TAOK3: variants seen among roughly 807,000 people sequenced by gnomAD.
TAOK3 encodes the protein TAO kinase 3.
Under a neutral mutation model 120.4 loss-of-function variants are expected in TAOK3, and 40 were observed. That is an observed-to-expected ratio of 0.33 (90% CI 0.26 to 0.43). TAOK3 has a LOEUF of 0.43. TAOK3 is among the 20% of genes least tolerant of loss of function. TAOK3 has a pLI of 1.00. For missense variants in TAOK3, 821 were observed against 1,112.1 expected (o/e 0.74, Z 3.72); for synonymous variants, 355 against 387.5 (o/e 0.92, Z 0.99).
intron 1 of TAOK3, among the ~76,000 whole-genome samples, chr12:118,294,218 A>G (rs1056453291): frequency 6.6e-6 from 1 of 152,144 alleles, no homozygotes; most frequent in Non-Finnish European, 1.5e-5. Flanking sequence ...GTATGTACTC[A>G]TGAAACCATC....
At chr12:118,274,131 C>CA (rs778160721) in intron 1 of TAOK3, among the ~76,000 whole-genome samples, 5 of 150,736 alleles carry the variant, frequency 3.3e-5, no homozygotes, top group Non-Finnish European at 5.9e-5. Context: ...AAAAACAAAC[C>CA]AAAAAAACAA....
At chr12:118,264,060 C>CT (rs1437895448) in intron 2 of TAOK3, among the ~76,000 whole-genome samples, 2 of 152,340 alleles carry the variant, frequency 1.3e-5, no homozygotes, top group Middle Eastern at 3.4e-3. Flanking sequence ...GAGCGAAACT[C>CT]TGTCTCAAAA....
Position 118,233,698 on chromosome 12 carries a change from G to A in TAOK3, c.619C>T (p.Leu207Phe). 2 of 1,609,974 alleles carry A rather than the reference G, an allele frequency of 1.2e-6. No homozygotes were observed. The highest frequency in any genetic ancestry group is 1.7e-6 in the Non-Finnish European group (2 of 1,177,894). ...CCCAATTCAATACAAGTGATGCCAAGTGACCAAATATCAACTTTCCCATCA... is the reference window on the plus strand; with the variant it reads ...CCCAATTCAATACAAGTGATGCCAAATGACCAAATATCAACTTTCCCATCA... Reference protein sequence around the residue: ...QYDGKVDIWSLGITCIELAER... With the variant: ...QYDGKVDIWSFGITCIELAER... Residue 207 changes from leucine (L) to phenylalanine (F), a missense_variant, in exon 9 of 21, where the codon CTT becomes TTT. Around this residue, in one of 2 missense-constraint regions of TAOK3, gnomAD observed 467 missense variants for 540.0 expected, o/e 0.86. Transcript: ENST00000392533.
chr12:118,151,486 G>C (rs1345553235), intron 20 of TAOK3, among the ~76,000 whole-genome samples: 1 of 152,214 alleles, frequency 6.6e-6, no homozygotes, highest in Non-Finnish European at 1.5e-5. Context: ...TCAGTGTCCT[G>C]TGTTAGGGGA....
intron 9 of TAOK3, among the ~76,000 whole-genome samples, chr12:118,215,030 C>T (rs2038817911): frequency 6.6e-6 from 1 of 151,506 alleles, no homozygotes; most frequent in African/African-American, 2.4e-5. Context: ...CAGGCATGCG[C>T]CACTGCGCCC....
At chr12:118,233,795 T>C in intron 8 of TAOK3, 30 bp from the exon 9 acceptor site, 1 of 1,539,464 alleles carries the variant, frequency 6.5e-7, no homozygotes, top group Non-Finnish European at 8.8e-7. Flanking sequence ...AAACTCAAGT[T>C]GGAGATTAAA....
chr12:118,306,559 G>A (rs1014687112), intron 1 of TAOK3, among the ~76,000 whole-genome samples: 7 of 151,882 alleles, frequency 4.6e-5, no homozygotes, highest in Non-Finnish European at 8.8e-5. Context: ...GATGTGAAAC[G>A]TTTCATAATT....
intron 9 of TAOK3, among the ~76,000 whole-genome samples, chr12:118,223,365 G>A (rs2039342337): frequency 6.8e-6 from 1 of 146,028 alleles, no homozygotes; most frequent in African/African-American, 2.6e-5. Flanking sequence ...GGCCATTTTT[G>A]AGGCAGAGTC....
intron 11 of TAOK3, among the ~76,000 whole-genome samples, chr12:118,210,906 T>C (rs2038593483): frequency 6.6e-6 from 1 of 151,986 alleles, no homozygotes; most frequent in South Asian, 2.1e-4. Flanking sequence ...GCCCAGCTAA[T>C]TTTTGTATTT....
At chr12:118,350,860 C>CA (rs200170595) in intron 1 of TAOK3, among the ~76,000 whole-genome samples, 4,007 of 73,082 alleles carry the variant, frequency 0.055, 214 homozygotes, top group East Asian at 0.33. Context: ...AACTCCGTCT[C>CA]AAAAAAAAAA....
intron 1 of TAOK3, among the ~76,000 whole-genome samples, chr12:118,296,349 G>A (rs1237753614): frequency 6.6e-6 from 1 of 152,112 alleles, no homozygotes; most frequent in Non-Finnish European, 1.5e-5. Flanking sequence ...AGGCAGGCTG[G>A]TCTCGAACTC....
chr12:118,326,085 C>A (rs2043924636), intron 1 of TAOK3, among the ~76,000 whole-genome samples: 3 of 152,208 alleles, frequency 2.0e-5, no homozygotes, highest in Admixed American at 6.5e-5. Flanking sequence ...TTCTGCCAGA[C>A]CAATGTCCTA....
chr12:118,177,881 T>C (rs1362733241), intron 15 of TAOK3, among the ~76,000 whole-genome samples: 1 of 151,816 alleles, frequency 6.6e-6, no homozygotes, highest in Non-Finnish European at 1.5e-5. Context: ...ATGGGAAAAA[T>C]ATGAAGGTGA....
At chr12:118,215,795 G>A (rs1245246216) in intron 9 of TAOK3, among the ~76,000 whole-genome samples, 1 of 152,042 alleles carries the variant, frequency 6.6e-6, no homozygotes, top group Non-Finnish European at 1.5e-5. Context: ...GCACAATCAG[G>A]GCTCACAATA....
chr12:118,214,131 A>C, intron 9 of TAOK3, 21 bp from the exon 10 acceptor site: 1 of 1,582,150 alleles, frequency 6.3e-7, no homozygotes. Context: ...AAAGAAACAC[A>C]ATAAAGTAGT....
intron 3 of TAOK3, chr12:118,246,465 G>C (rs1208826666): frequency 5.2e-6 from 8 of 1,523,838 alleles, no homozygotes; most frequent in Non-Finnish European, 7.2e-6. Context: ...CAAGGCGTTT[G>C]TTGCTATCGG....
chr12:118,215,435 C>A (rs1057081954), intron 9 of TAOK3, among the ~76,000 whole-genome samples: 53 of 151,678 alleles, frequency 3.5e-4, no homozygotes, highest in Admixed American at 2.0e-3. Context: ...TGGCATGAAC[C>A]CGAGAGGCAG....
At chr12:118,308,417 A>C (rs1340120846) in intron 1 of TAOK3, among the ~76,000 whole-genome samples, 1 of 152,176 alleles carries the variant, frequency 6.6e-6, no homozygotes, top group East Asian at 1.9e-4. Flanking sequence ...TAAAAAAAAA[A>C]TTAAACATTT....
At chr12:118,266,247 G>T (rs2041441403) in intron 2 of TAOK3, among the ~76,000 whole-genome samples, 1 of 152,074 alleles carries the variant, frequency 6.6e-6, no homozygotes, top group Admixed American at 6.6e-5. Flanking sequence ...AAGCTGGAGT[G>T]CAATGCACGA....
Sources: gnomAD v4.1 joint callset for allele counts (sites outside exome capture counted in the v4.1 genomes callset) on GRCh38, gnomAD v4.1.1 for gene constraint, gnomAD v4.1.1 regional missense constraint, MANE v1.5 for transcripts, NCBI Gene and HGNC (gene_info 2026-07-23, HGNC 2026-07-21) for gene names.